KCNH4: variants seen among roughly 807,000 people sequenced by gnomAD.
KCNH4 encodes the protein potassium voltage-gated channel subfamily H member 4.
KCNH4 carries 33 observed loss-of-function variants against 90.7 expected under a neutral mutation model. That is an observed-to-expected ratio of 0.36 (90% CI 0.28 to 0.49). The LOEUF (loss-of-function observed/expected upper bound fraction) is 0.49, where lower values mean the gene tolerates loss of function less well. Ranked by LOEUF, KCNH4 falls within the 20% of genes least tolerant of loss-of-function variation. The pLI is 0.98. For missense variants in KCNH4, 1,044 were observed against 1,387.1 expected (o/e 0.75, Z 3.93); for synonymous variants, 551 against 581.7 (o/e 0.95, Z 0.76).
chr17:42,160,058 C>T lies in KCNH4; in HGVS notation c.3036G>A (p.Arg1012=), dbSNP rs780068611. The T allele has an allele frequency of 1.6e-5, 24 of 1,539,668 alleles. No individual in the cohort carries two copies. The highest frequency in any genetic ancestry group is 2.0e-5 in the Non-Finnish European group (23 of 1,141,032). The change falls in exon 16 of 17, where the codon AGG becomes AGA. Residue 1012 remains arginine (R), a synonymous_variant. Coordinates refer to ENST00000264661, the MANE Select transcript of KCNH4 (RefSeq NM_012285.3). Reference sequence around the variant, plus strand: ...GCCAGGGTCAGTGGAACGTGTCTGACCTGGACTGGAAACTGTGCCTCAAGA... The same window carrying T: ...GCCAGGGTCAGTGGAACGTGTCTGATCTGGACTGGAAACTGTGCCTCAAGA... ...PSLLRHSFQS[R]SDTFH
rs1286916165 is a variant in KCNH4 at position 42,164,421 on chromosome 17, AT to A, written c.2086-254del. ...CTAAAACAAAGTGGACTCAGGAGAC[AT>A]TTGGTGAGAGAAGAGGAACCCCCAG... On this transcript the variant is annotated intron_variant, in intron 11 of 16. Transcript: ENST00000264661. 2.6e-5 allele frequency among the ~76,000 whole-genome samples: 4 copies of A among 152,216 alleles called. No homozygotes were observed. In the East Asian group the frequency reaches 7.7e-4, roughly 29 times the overall value.
intron 4 of KCNH4, 78 bp downstream of exon 4, chr17:42,178,022 G>A: frequency 1.3e-6 from 2 of 1,553,186 alleles, no homozygotes; most frequent in Non-Finnish European, 1.7e-6. Context: ...AGACAGGGAA[G>A]TGGGGAGACA....
At position 42,180,535 on chromosome 17, in the gene KCNH4, CTG is replaced by C. The variant is rs1393561197; in HGVS notation, c.76+333_76+334del. 6.6e-6 allele frequency among the ~76,000 whole-genome samples: 1 copy of C among 152,146 alleles called. No individual in the cohort carries two copies. Among genetic ancestry groups the C allele is most frequent in the Non-Finnish European group, 1.5e-5 (1 of 68,010 alleles). On this transcript the variant is annotated intron_variant, in intron 1 of 16. Transcript: ENST00000264661. This position sits in a 1 kb window ranked among gnomAD's most constrained non-coding sequence, Gnocchi z 4.7. ...AATGCCCGGCCACTTTGCCCCACTTCTGTGTCTCGGATACCCCCATACACGCC... is the reference window on the plus strand; with the variant it reads ...AATGCCCGGCCACTTTGCCCCACTTCTGTCTCGGATACCCCCATACACGCC...
Position 42,178,426 on chromosome 17 carries a change from C to G in KCNH4, c.362G>C (p.Gly121Ala). The change falls in exon 3 of 17, where the codon GGG becomes GCG. Residue 121 changes from glycine (G) to alanine (A), a missense_variant. Physicochemically the swap from Gly to Ala is moderately conservative, Grantham distance 60. Around this residue, in one of 4 missense-constraint regions of KCNH4, gnomAD observed 283 missense variants for 378.6 expected, o/e 0.75. Transcript: ENST00000264661. ...LDMMPIKNEM[G>A]EVVLFLFSFK... is the part of the protein sequence containing the mutation. ...GGAAAAGAGGAACAGCACGACCTCC[C>G]CCATCTCATTCTTGATGGGCATCAT... The G allele has an allele frequency of 1.2e-6, 2 of 1,614,200 alleles. No homozygotes were observed. The highest frequency in any genetic ancestry group is 1.7e-6 in the Non-Finnish European group (2 of 1,180,028).
Position 42,176,223 on chromosome 17 carries a change from G to A in KCNH4, c.660C>T (p.Leu220=), listed in dbSNP as rs1429730145. Residue 220 remains leucine (L), a synonymous_variant, in exon 5 of 17, where the codon CTC becomes CTT. Transcript: ENST00000264661. The stretch of plus-strand genomic sequence containing the variant: ...AGATGGCCTTGGAGACGCTGTAGTG[G>A]AGGAGGAGGCAGCGAGACCCCCCCA... ...ASVGGSRCLL[L]HYSVSKAIWD... 3.7e-6 allele frequency: 6 copies of A among 1,614,042 alleles called. No individual in the cohort carries two copies. The highest frequency in any genetic ancestry group is 1.6e-4 in the Middle Eastern group (1 of 6,062).
rs368292478 is a variant in KCNH4 at position 42,180,975 on chromosome 17, G to A, written c.-30C>T. The A allele has an allele frequency of 2.5e-6, 4 of 1,598,026 alleles. No homozygotes were observed. Among genetic ancestry groups the A allele is most frequent in the Non-Finnish European group, 3.4e-6 (4 of 1,171,074 alleles). On this transcript the variant is annotated 5_prime_UTR_variant, in exon 1 of 17. Coordinates refer to ENST00000264661, the MANE Select transcript of KCNH4 (RefSeq NM_012285.3). The surrounding 1 kb of genome is among the most constrained non-coding windows in gnomAD (Gnocchi z 4.7). ...CCGGGGCGTGGGTTCAAGGCGCGGC[G>A]CTGGGGAGCTTTCAGCGCGGCCGGG...
At chr17:42,166,573 G>T in intron 9 of KCNH4, 27 bp from the exon 10 acceptor site, 1 of 1,591,110 alleles carries the variant, frequency 6.3e-7, no homozygotes, top group Non-Finnish European at 8.6e-7. Context: ...GGTCATTCTG[G>T]CCATCCCCCT....
chr17:42,174,441 C>T (rs967611125), intron 6 of KCNH4, among the ~76,000 whole-genome samples: 6 of 152,084 alleles, frequency 3.9e-5, no homozygotes, highest in African/African-American at 7.2e-5. Flanking sequence ...GAGGGGTGGG[C>T]GCACCCCTGG....
In KCNH4 at chr17:42,178,784, C is replaced by A; in HGVS notation, c.310+9G>T. On this transcript the variant is annotated intron_variant, in intron 2 of 16. Transcript: ENST00000264661. Reference sequence around the variant, plus strand: ...AGGCAGAGCTGCAGGGTGGGGTGAGCCCCCTCACCATCCTTGCGGTAGAAG... The same window carrying A: ...AGGCAGAGCTGCAGGGTGGGGTGAGACCCCTCACCATCCTTGCGGTAGAAG... The A allele has an allele frequency of 6.3e-7, 1 of 1,597,686 alleles. No homozygotes were observed. The highest frequency in any genetic ancestry group is 8.6e-7 in the Non-Finnish European group (1 of 1,166,994).
At position 42,180,801 on chromosome 17, in the gene KCNH4, A is replaced by G; in HGVS notation, c.76+69T>C. 5 of 1,482,132 alleles carry G rather than the reference A, an allele frequency of 3.4e-6. No homozygotes were observed. The highest frequency in any genetic ancestry group is 4.7e-6 in the Non-Finnish European group (5 of 1,062,626). 91.8% of individuals were successfully genotyped at this position (1,482,132 alleles called of 1,614,324 possible). A position where few individuals can be genotyped will look rare whatever the true frequency, so the allele number is the denominator to read the frequency against. On this transcript the variant is annotated intron_variant, in intron 1 of 16. Transcript: ENST00000264661. This position sits in a 1 kb window ranked among gnomAD's most constrained non-coding sequence, Gnocchi z 4.7. ...CCTCGGGTCTCACCATGTCCAGGAG[A>G]TCCGAGACGGCCCCGAGGATACTTG...
rs532100884 is a variant in KCNH4 at position 42,173,693 on chromosome 17, CTTTTTTTTTTTTT to C, written c.988-1711_988-1699del. On this transcript the variant is annotated intron_variant, in intron 6 of 16. Transcript: ENST00000264661. ...AGACTGGAAGTTTAGCGATCTGGTT[CTTTTTTTTTTTTT>C]TTTTTTTTTTTTTTTTGAGACAGAG... is the stretch of plus-strand genomic sequence containing the variant. Among the ~76,000 whole-genome samples the C allele has an allele frequency of 9.1e-4, 60 of 66,272 alleles. 1 individual carries two copies. Among genetic ancestry groups the C allele is most frequent in the African/African-American group, 3.6e-3 (54 of 14,978 alleles). The allele number at this position is 66,272 out of a possible 152,430, so 43.5% of individuals were successfully genotyped here.
chr17:42,176,398 T>C, intron 4 of KCNH4, 101 bp from the exon 5 acceptor site: 1 of 1,112,562 alleles, frequency 9.0e-7, no homozygotes, highest in Non-Finnish European at 1.3e-6. Flanking sequence ...AGGTGGGCAC[T>C]GCAAGGGCAC....
chr17:42,157,799 TG>T (rs985263375), intron 16 of KCNH4, among the ~76,000 whole-genome samples: 4 of 151,078 alleles, frequency 2.6e-5, no homozygotes, highest in African/African-American at 4.9e-5. Context: ...TAGAGATGGG[TG>T]GGGGGGGTGT....
rs755195301 is a variant in KCNH4, at chr17:42,176,078, C to T, written c.805G>A (p.Ala269Thr). 9.3e-6 allele frequency: 15 copies of T among 1,609,200 alleles called. No homozygotes were observed. Among genetic ancestry groups the T allele is most frequent in the African/African-American group, 6.7e-5 (5 of 74,772 alleles). The change falls in exon 5 of 17, where the codon GCC becomes ACC. Residue 269 changes from alanine (A) to threonine (T), a missense_variant. Ala to Thr is a moderately conservative substitution (Grantham distance 58). Transcript: ENST00000264661. ...TSRHTLVSDI[A>T]VEMLFILDII... ...CCTAGGATGAAGAGCATTTCCACGG[C>T]GATGTCGCTGACAAGGGTGTGTCGC...
intron 16 of KCNH4, among the ~76,000 whole-genome samples, chr17:42,157,481 G>T (rs895326119): frequency 6.6e-6 from 1 of 152,144 alleles, no homozygotes; most frequent in Non-Finnish European, 1.5e-5. Context: ...ATCAAGAAAC[G>T]TGGTGACTGC....
In KCNH4 at chr17:42,163,574, T is replaced by C; in HGVS notation, c.2477+32A>G. ...AGAAGGTTCTGGAAGCCAATAGGGG[T>C]TTTGGGAAAGCAGGGGAGGCTGGCG... On this transcript the variant is annotated intron_variant, in intron 13 of 16. Transcript: ENST00000264661. This position sits in a 1 kb window ranked among gnomAD's most constrained non-coding sequence, Gnocchi z 5.4. 2 of 1,041,430 alleles carry C rather than the reference T, an allele frequency of 1.9e-6. No individual in the cohort carries two copies. The highest frequency in any genetic ancestry group is 2.8e-6 in the Non-Finnish European group (2 of 707,642). 64.5% of individuals were successfully genotyped at this position (1,041,430 alleles called of 1,614,324 possible).
In KCNH4 at chr17:42,163,570, G is replaced by A. The variant is rs2144121845; in HGVS notation, c.2477+36C>T. 1.0e-6 allele frequency: 1 copy of A among 995,486 alleles called. No individual in the cohort carries two copies. The highest frequency in any genetic ancestry group is 2.4e-5 in the Admixed American group (1 of 41,694). The allele number at this position is 995,486 out of a possible 1,614,324, so 61.7% of individuals were successfully genotyped here. On this transcript the variant is annotated intron_variant, in intron 13 of 16. Coordinates refer to ENST00000264661, the MANE Select transcript of KCNH4 (RefSeq NM_012285.3). The surrounding 1 kb of genome is among the most constrained non-coding windows in gnomAD (Gnocchi z 5.4). Reference sequence around the variant, plus strand: ...CCAGAGAAGGTTCTGGAAGCCAATAGGGGTTTTGGGAAAGCAGGGGAGGCT... The same window carrying A: ...CCAGAGAAGGTTCTGGAAGCCAATAAGGGTTTTGGGAAAGCAGGGGAGGCT...
chr17:42,163,621 G>T lies in KCNH4; in HGVS notation c.2462C>A (p.Pro821Gln), dbSNP rs773305892. 1.4e-6 allele frequency: 2 copies of T among 1,480,172 alleles called. No individual in the cohort carries two copies. Among genetic ancestry groups the T allele is most frequent in the Non-Finnish European group, 1.8e-6 (2 of 1,102,600 alleles). The allele number at this position is 1,480,172 out of a possible 1,614,324, so 91.7% of individuals were successfully genotyped here. The change falls in exon 13 of 17, where the codon CCG (proline) becomes CAG (glutamine). Residue 821 changes from proline to glutamine, a missense_variant. Physicochemically the swap from Pro to Gln is moderately conservative, Grantham distance 76. Transcript: ENST00000264661. The surrounding 1 kb of genome is among the most constrained non-coding windows in gnomAD (Gnocchi z 5.4). Reference sequence around the variant, plus strand: ...GGCGTCTCACCGGGGACTGAGGTCCGGAGGTCCAAAGGTTCCCAGTGGGGG... The same window carrying T: ...GGCGTCTCACCGGGGACTGAGGTCCTGAGGTCCAAAGGTTCCCAGTGGGGG... ...LIPPLGTFGP[P>Q]DLSPRIVDGI...
chr17:42,165,671 T>C lies in KCNH4; in HGVS notation c.1863A>G (p.Ala621=). ...AILGKGDLIG[A]DIPEPGQEPG... Reference sequence around the variant, plus strand: ...GCTCCTGCCCCGGCTCAGGGATATCTGCTCCAATCAGGTCCCCCTTCCCTG... The same window carrying C: ...GCTCCTGCCCCGGCTCAGGGATATCCGCTCCAATCAGGTCCCCCTTCCCTG... The change falls in exon 11 of 17, where the codon GCA becomes GCG. Residue 621 remains alanine, a synonymous_variant. Coordinates refer to ENST00000264661, the MANE Select transcript of KCNH4 (RefSeq NM_012285.3). The C allele has an allele frequency of 1.2e-6, 2 of 1,614,176 alleles. No individual in the cohort carries two copies. Among genetic ancestry groups the C allele is most frequent in the Non-Finnish European group, 1.7e-6 (2 of 1,180,030 alleles).
Sources: gnomAD v4.1 joint callset for allele counts (sites outside exome capture counted in the v4.1 genomes callset) on GRCh38, gnomAD v4.1.1 for gene constraint, gnomAD v4.1.1 regional missense constraint, Gnocchi (gnomAD v3.1) non-coding constraint, MANE v1.5 for transcripts, NCBI Gene and HGNC (gene_info 2026-07-23, HGNC 2026-07-21) for gene names.